The following NAALADL2 variants were observed in gnomAD, a reference collection of about 807,000 sequenced individuals.
NAALADL2 encodes the protein N-acetylated alpha-linked acidic dipeptidase like 2.
NAALADL2 carries 76 observed loss-of-function variants against 87.2 expected under a neutral mutation model. The ratio of observed to expected loss-of-function variants is 0.87; its 90% CI spans 0.72 to 1.05. NAALADL2 has a LOEUF of 1.05. NAALADL2 is among the 50% of genes least tolerant of loss of function. The pLI, the probability that NAALADL2 is intolerant of heterozygous loss-of-function variation, is 0.00. For synonymous variants in NAALADL2, 354 were observed against 331.0 expected (o/e 1.07, Z -0.75); for missense variants, 1,089 against 945.8 (o/e 1.15, Z -1.99).
chr3:175,642,570 G>T (rs1266830645), intron 11 of NAALADL2, among the ~76,000 whole-genome samples: 1 of 149,630 alleles, frequency 6.7e-6, no homozygotes, highest in Non-Finnish European at 1.5e-5. Context: ...GTGCGATCTC[G>T]GCTCACTGCA....
chr3:174,532,895 T>C (rs1721370361), intron 1 of NAALADL2, among the ~76,000 whole-genome samples: 1 of 151,936 alleles, frequency 6.6e-6, no homozygotes, highest in Admixed American at 6.6e-5. Flanking sequence ...AATAACCTGA[T>C]CAATCTTTTA....
At chr3:175,420,024 G>T (rs549838233) in intron 5 of NAALADL2, among the ~76,000 whole-genome samples, 1 of 151,828 alleles carries the variant, frequency 6.6e-6, no homozygotes, top group Non-Finnish European at 1.5e-5. Flanking sequence ...GACATCGTTG[G>T]CCTCAGTCTT....
intron 1 of NAALADL2, among the ~76,000 whole-genome samples, chr3:174,961,182 C>T (rs1003905290): frequency 2.0e-5 from 3 of 150,204 alleles, no homozygotes; most frequent in Admixed American, 6.7e-5. Context: ...TAAGGTCTCA[C>T]TATGTTGCCC....
chr3:175,605,581 C>T (rs62284499), intron 10 of NAALADL2, among the ~76,000 whole-genome samples: 17,901 of 150,900 alleles, frequency 0.12, 1,289 homozygotes, highest in Middle Eastern at 0.17. Context: ...TTTTACTCTT[C>T]CTCCTTCCCC....
chr3:175,110,177 C>T (rs6782183), intron 2 of NAALADL2, among the ~76,000 whole-genome samples: 53,460 of 151,566 alleles, frequency 0.35, 9,706 homozygotes, highest in East Asian at 0.44. Flanking sequence ...TCTGATTCTT[C>T]AGTCCTATTC....
chr3:175,381,109 G>A (rs1405856496), intron 5 of NAALADL2, among the ~76,000 whole-genome samples: 1 of 151,718 alleles, frequency 6.6e-6, no homozygotes, highest in Admixed American at 6.6e-5. Flanking sequence ...TACTTTGTAA[G>A]CATCTTATAG....
intron 2 of NAALADL2, among the ~76,000 whole-genome samples, chr3:175,111,370 A>C (rs1395272745): frequency 2.0e-5 from 3 of 151,622 alleles, no homozygotes; most frequent in Non-Finnish European, 3.0e-5. Context: ...TGTTTAATAG[A>C]GGTTACACAG....
chr3:175,516,919 C>A (rs535276581), intron 9 of NAALADL2, among the ~76,000 whole-genome samples: 1 of 152,118 alleles, frequency 6.6e-6, no homozygotes, highest in Non-Finnish European at 1.5e-5. Context: ...ACCAGCCTTG[C>A]CCACCTTATA....
At chr3:174,590,810 A>C (rs1717280727) in intron 2 of NAALADL2, among the ~76,000 whole-genome samples, 1 of 152,174 alleles carries the variant, frequency 6.6e-6, no homozygotes. Flanking sequence ...AATTGAGATA[A>C]TGCATGGAAA....
intron 1 of NAALADL2, among the ~76,000 whole-genome samples, chr3:174,444,840 T>C (rs1372178173): frequency 3.3e-5 from 5 of 152,146 alleles, no homozygotes; most frequent in Non-Finnish European, 5.9e-5. Flanking sequence ...TTTGAAAATG[T>C]GAAAAACAGC....
chr3:175,463,274 G>A (rs1036758258), intron 6 of NAALADL2, 127 bp from the exon 7 acceptor site: 12 of 586,592 alleles, frequency 2.0e-5, no homozygotes, highest in African/African-American at 1.7e-4. Flanking sequence ...AAGTATAACT[G>A]GCTATCTGAG....
intron 1 of NAALADL2, among the ~76,000 whole-genome samples, chr3:174,934,221 C>G (rs1042701867): frequency 3.3e-5 from 5 of 152,184 alleles, no homozygotes; most frequent in Admixed American, 6.5e-5. Flanking sequence ...ATTTCACACA[C>G]TTTACTGTCC....
intron 1 of NAALADL2, among the ~76,000 whole-genome samples, chr3:175,011,616 C>T (rs375327307): frequency 1.3e-5 from 2 of 152,130 alleles, no homozygotes; most frequent in East Asian, 3.9e-4. Context: ...TTCACTGAAA[C>T]ACCTCAGTAT....
At chr3:174,826,052 C>CAAG (rs398052460) in intron 3 of NAALADL2, among the ~76,000 whole-genome samples, 2 of 146,182 alleles carry the variant, frequency 1.4e-5, no homozygotes, top group African/African-American at 5.4e-5. Context: ...ACAACAACAA[C>CAAG]GACAACAACA....
At chr3:175,084,300 A>G (rs1718444065) in intron 1 of NAALADL2, among the ~76,000 whole-genome samples, 1 of 152,102 alleles carries the variant, frequency 6.6e-6, no homozygotes, top group Non-Finnish European at 1.5e-5. Flanking sequence ...TTTGCTCCAC[A>G]TGGCATTGAC....
In NAALADL2 at chr3:175,256,511, A is replaced by G; in HGVS notation, c.920A>G (p.Lys307Arg). The change falls in exon 4 of 14, where the codon AAA (lysine) becomes AGA (arginine). Residue 307 changes from lysine to arginine, a missense_variant. Physicochemically the swap from Lys to Arg is conservative, Grantham distance 26 (BLOSUM62 2). Coordinates refer to ENST00000454872, the MANE Select transcript of NAALADL2 (RefSeq NM_207015.3). Reference sequence around the variant, plus strand: ...CAGATCGCACTCCTGAAATTAGGAAAATTGCCACTGCTTTATAAGGTTGGT... The same window carrying G: ...CAGATCGCACTCCTGAAATTAGGAAGATTGCCACTGCTTTATAAGGTTGGT... ...TNQIALLKLG[K>R]LPLLYKLSSL... 6.2e-7 allele frequency: 1 copy of G among 1,612,352 alleles called. No individual in the cohort carries two copies. Among genetic ancestry groups the G allele is most frequent in the Non-Finnish European group, 8.5e-7 (1 of 1,179,258 alleles).
chr3:174,708,678 T>C (rs113696493), intron 2 of NAALADL2, among the ~76,000 whole-genome samples: 1 of 152,166 alleles, frequency 6.6e-6, no homozygotes, highest in Non-Finnish European at 1.5e-5. Context: ...TCAAGAGAAA[T>C]AGGATTTGAC....
intron 9 of NAALADL2, among the ~76,000 whole-genome samples, chr3:175,496,436 A>G (rs1728822440): frequency 6.6e-6 from 1 of 152,042 alleles, no homozygotes. Context: ...TTTATATAAA[A>G]TTATTATTTC....
At chr3:175,457,510 G>A (rs1722494814) in intron 6 of NAALADL2, among the ~76,000 whole-genome samples, 1 of 151,914 alleles carries the variant, frequency 6.6e-6, no homozygotes, top group African/African-American at 2.4e-5. Context: ...TGATGCCAAT[G>A]GTGACTTTCC....
Sources: allele counts gnomAD v4.1 joint callset (sites outside exome capture counted in the v4.1 genomes callset), GRCh38; gene constraint gnomAD v4.1.1; transcripts MANE v1.5; gene names NCBI Gene and HGNC (gene_info 2026-07-23, HGNC 2026-07-21).